The following ARHGAP20 variants were observed in gnomAD, a reference collection of about 807,000 sequenced individuals.
ARHGAP20 encodes the protein Rho GTPase activating protein 20.
A neutral mutation model predicts 73.7 loss-of-function variants in ARHGAP20; 34 were observed. The ratio of observed to expected loss-of-function variants is 0.46; its 90% CI spans 0.35 to 0.61. The LOEUF (loss-of-function observed/expected upper bound fraction) is 0.61, where lower values mean the gene tolerates loss of function less well. Ranked by LOEUF, ARHGAP20 falls within the 20% of genes least tolerant of loss-of-function variation. The probability of loss-of-function intolerance (pLI) is 0.00; values close to 1 mark genes in which losing one functional copy is unlikely to be tolerated. For synonymous variants in ARHGAP20, 523 were observed against 518.2 expected (o/e 1.01, Z -0.13); for missense variants, 1,314 against 1,420.9 (o/e 0.92, Z 1.21).
At position 110,669,515 on chromosome 11, in the gene ARHGAP20, C is replaced by CT. The variant is rs542534195; in HGVS notation, c.188+21031dup. 4.6e-5 allele frequency among the ~76,000 whole-genome samples: 7 copies of CT among 151,750 alleles called. No individual in the cohort carries two copies. The South Asian group carries it at 6.3e-4, about 14-fold the overall frequency. On this transcript the variant is annotated intron_variant, in intron 2 of 14. Coordinates refer to ENST00000683387, the MANE Select transcript of ARHGAP20 (RefSeq NM_001384657.1). ...CAAAATGAGGAGATGTGAACTGGCT[C>CT]TTTTTTTAAAGATTATCTAGGGATA...
In ARHGAP20 at chr11:110,591,979, A is replaced by T. The variant is rs1438098311; in HGVS notation, c.1141T>A (p.Leu381Met). ...CENDNLPKPVLDMLFFLNQKG... is the reference protein window; with the variant it reads ...CENDNLPKPVMDMLFFLNQKG... ...TTACAGACCAAAATGAGCCTTACCA[A>T]GACAGGTTTGGGCAGATTGTCATTC... The change falls in exon 10 of 15, where the codon TTG (leucine) becomes ATG (methionine). Residue 381 changes from leucine to methionine, a missense_variant and splice_region_variant. Around this residue, in one of 3 missense-constraint regions of ARHGAP20, gnomAD observed 443 missense variants for 466.4 expected, o/e 0.95. Transcript: ENST00000683387. 5 of 1,613,992 alleles carry T rather than the reference A, an allele frequency of 3.1e-6. No individual in the cohort carries two copies. Among genetic ancestry groups the T allele is most frequent in the Non-Finnish European group, 4.2e-6 (5 of 1,179,908 alleles).
At position 110,606,765 on chromosome 11, in the gene ARHGAP20, T is replaced by C; in HGVS notation, c.776-16A>G. The C allele has an allele frequency of 6.6e-7, 1 of 1,508,254 alleles. No individual in the cohort carries two copies. The highest frequency in any genetic ancestry group is 1.8e-4 in the Middle Eastern group (1 of 5,564). 93.4% of individuals were successfully genotyped at this position (1,508,254 alleles called of 1,614,324 possible). A position where few individuals can be genotyped will look rare whatever the true frequency, so the allele number is the denominator to read the frequency against. On this transcript the variant is annotated splice_polypyrimidine_tract_variant and intron_variant, in intron 8 of 14. Coordinates refer to ENST00000683387, the MANE Select transcript of ARHGAP20 (RefSeq NM_001384657.1). ...TATTCATGCCCTACACAGAGACAAA[T>C]CTAAATGTAGACTTCAGGCTGACTG...
intron 2 of ARHGAP20, among the ~76,000 whole-genome samples, chr11:110,661,880 G>C (rs571782969): frequency 4.6e-5 from 7 of 151,950 alleles, no homozygotes; most frequent in Admixed American, 2.6e-4. Flanking sequence ...CTGCAATGTA[G>C]AAAAAATACA....
chr11:110,629,217 T>C (rs777073676), intron 3 of ARHGAP20, among the ~76,000 whole-genome samples: 1 of 152,150 alleles, frequency 6.6e-6, no homozygotes, highest in Non-Finnish European at 1.5e-5. Flanking sequence ...CTAAAAAATA[T>C]AGAAAGAAGC....
At chr11:110,617,567 C>G (rs1948511521) in intron 4 of ARHGAP20, among the ~76,000 whole-genome samples, 1 of 152,150 alleles carries the variant, frequency 6.6e-6, no homozygotes, top group Non-Finnish European at 1.5e-5. Flanking sequence ...CTGGCCAATT[C>G]ATTCTCATTG....
rs769110159 is a variant in ARHGAP20, at chr11:110,580,765, G to A, written c.2181C>T (p.Arg727=). 3 of 1,613,988 alleles carry A rather than the reference G, an allele frequency of 1.9e-6. No individual in the cohort carries two copies. The Admixed American group carries it at 5.0e-5, about 27-fold the overall frequency. ...AAAGAATTGCATCACAGCTGGACTT[G>A]CGTAGCTTTTTCTGATAAAACTCCC... is the stretch of plus-strand genomic sequence containing the variant. The part of the protein sequence containing the change: ...YLREFYQKKL[R]KSSCDAILSQ... The change falls in exon 15 of 15, where the codon CGC becomes CGT. Residue 727 remains arginine (R), a synonymous_variant. Transcript: ENST00000683387.
chr11:110,636,771 T>C (rs1948977496), intron 2 of ARHGAP20, among the ~76,000 whole-genome samples: 1 of 152,008 alleles, frequency 6.6e-6, no homozygotes, highest in Admixed American at 6.6e-5. Context: ...TTTAATACAA[T>C]ATTAAAGTCT....
At chr11:110,632,187 G>T (rs888657917) in intron 2 of ARHGAP20, among the ~76,000 whole-genome samples, 1 of 151,922 alleles carries the variant, frequency 6.6e-6, no homozygotes, top group Non-Finnish European at 1.5e-5. Flanking sequence ...CATTTCTCTT[G>T]GGTAAATACC....
At chr11:110,669,291 T>C (rs569589090) in intron 2 of ARHGAP20, among the ~76,000 whole-genome samples, 2 of 152,190 alleles carry the variant, frequency 1.3e-5, no homozygotes, top group South Asian at 4.1e-4. Flanking sequence ...TCTGCACTAA[T>C]AGAAAGCCAC....
chr11:110,680,152 A>T (rs1893852), intron 2 of ARHGAP20, among the ~76,000 whole-genome samples: 45,942 of 151,972 alleles, frequency 0.3, 7,716 homozygotes, highest in African/African-American at 0.47. Flanking sequence ...TACATTATAA[A>T]ATTAACTCAT....
rs746426495 is a variant in ARHGAP20, at chr11:110,580,039, A to G, written c.2907T>C (p.Thr969=). 6.2e-7 allele frequency: 1 copy of G among 1,614,200 alleles called. No homozygotes were observed. Among genetic ancestry groups the G allele is most frequent in the South Asian group, 1.1e-5 (1 of 91,088 alleles). Residue 969 remains threonine, a synonymous_variant, in exon 15 of 15, where the codon ACT becomes ACC. Transcript: ENST00000683387. ...QISEHSVFTP[T]ETSSPIDCTF... ...TGCAATCTATTGGAGAGGAAGTCTC[A>G]GTGGGTGTAAACACAGAGTGTTCAG...
At position 110,606,589 on chromosome 11, in the gene ARHGAP20, G is replaced by A; in HGVS notation, c.936C>T (p.Ser312=). Reference sequence around the variant, plus strand: ...TCAGTTGCTGGGCTGCAGCCAGGCGGCTGGGCTTCAGGATGAACTGGCACT... The same window carrying A: ...TCAGTTGCTGGGCTGCAGCCAGGCGACTGGGCTTCAGGATGAACTGGCACT... ...EMQCQFILKP[S]RLAAAQQLSD... The change falls in exon 9 of 15, where the codon AGC becomes AGT. Residue 312 remains serine, a synonymous_variant. Transcript: ENST00000683387. The A allele has an allele frequency of 1.9e-6, 3 of 1,611,056 alleles. No individual in the cohort carries two copies. Among genetic ancestry groups the A allele is most frequent in the Non-Finnish European group, 2.5e-6 (3 of 1,178,972 alleles).
intron 2 of ARHGAP20, among the ~76,000 whole-genome samples, chr11:110,649,367 C>A (rs1591137806): frequency 6.6e-6 from 1 of 151,498 alleles, no homozygotes; most frequent in South Asian, 2.1e-4. Flanking sequence ...TTCACTATCC[C>A]CAAAACAAGA....
intron 1 of ARHGAP20, among the ~76,000 whole-genome samples, chr11:110,711,418 C>A (rs556908308): frequency 6.6e-6 from 1 of 151,064 alleles, no homozygotes; most frequent in African/African-American, 2.4e-5. Context: ...GCCCACCCGC[C>A]CCCACCCTGC....
intron 2 of ARHGAP20, among the ~76,000 whole-genome samples, chr11:110,666,198 G>C (rs1037620947): frequency 1.3e-5 from 2 of 152,080 alleles, no homozygotes; most frequent in African/African-American, 4.8e-5. Flanking sequence ...ACAATACTGA[G>C]AGAAATAAAA....
At chr11:110,686,629 A>G (rs1950137533) in intron 2 of ARHGAP20, among the ~76,000 whole-genome samples, 1 of 152,186 alleles carries the variant, frequency 6.6e-6, no homozygotes, top group African/African-American at 2.4e-5. Flanking sequence ...TCCACCAAGC[A>G]TTCATTAGAA....
rs778115416 is a variant in ARHGAP20, at chr11:110,581,031, A to C, written c.1915T>G (p.Phe639Val). The C allele has an allele frequency of 1.2e-6, 2 of 1,614,176 alleles. No individual in the cohort carries two copies. Among genetic ancestry groups the C allele is most frequent in the Non-Finnish European group, 1.7e-6 (2 of 1,180,034 alleles). ...EVEGLLTLSD[F>V]DLAHSKDEDV... ...TCATCTTTAGAATGGGCCAAGTCAA[A>C]GTCGCTTAGGGTTAAAAGGCCTTCC... The change falls in exon 15 of 15, where the codon TTT (phenylalanine) becomes GTT (valine). Residue 639 changes from phenylalanine (F) to valine (V), a missense_variant. By Grantham distance (50) the Phe-to-Val change is conservative. Around this residue, in one of 3 missense-constraint regions of ARHGAP20, gnomAD observed 230 missense variants for 317.6 expected, o/e 0.72. Coordinates refer to ENST00000683387, the MANE Select transcript of ARHGAP20 (RefSeq NM_001384657.1).
intron 2 of ARHGAP20, among the ~76,000 whole-genome samples, chr11:110,639,731 T>C (rs531480011): frequency 6.6e-6 from 1 of 152,150 alleles, no homozygotes; most frequent in African/African-American, 2.4e-5. Flanking sequence ...GCATAAGGTA[T>C]TCAAGATCTG....
intron 3 of ARHGAP20, 75 bp downstream of exon 3, chr11:110,630,553 A>G (rs1948838418): frequency 2.8e-6 from 4 of 1,415,796 alleles, no homozygotes; most frequent in Non-Finnish European, 3.9e-6. Flanking sequence ...TACAGTAAGC[A>G]TTGAGTAGAA....
Sources: allele counts gnomAD v4.1 joint callset (sites outside exome capture counted in the v4.1 genomes callset), GRCh38; gene constraint gnomAD v4.1.1; regional missense constraint gnomAD v4.1.1; transcripts MANE v1.5; gene names NCBI Gene and HGNC (gene_info 2026-07-23, HGNC 2026-07-21).